MGAT5: variants seen among roughly 807,000 people sequenced by gnomAD.
MGAT5 encodes alpha-1,6-mannosylglycoprotein 6-beta-N-acetylglucosaminyltransferase A.
Under a neutral mutation model 94.3 loss-of-function variants are expected in MGAT5, and 30 were observed. The ratio of observed to expected loss-of-function variants is 0.32; its 90% CI spans 0.24 to 0.43. MGAT5 has a LOEUF of 0.43. MGAT5 is among the 20% of genes least tolerant of loss of function. The pLI, the probability that MGAT5 is intolerant of heterozygous loss-of-function variation, is 1.00. For synonymous variants in MGAT5, 310 were observed against 322.9 expected (o/e 0.96, Z 0.43); for missense variants, 691 against 905.5 (o/e 0.76, Z 3.04).
At chr2:134,338,506 T>A in intron 6 of MGAT5, 86 bp downstream of exon 6, 1 of 1,375,760 alleles carries the variant, frequency 7.3e-7, no homozygotes, top group Non-Finnish European at 9.9e-7. Context: ...AAGAGAAATG[T>A]CATATCTCAA....
At chr2:134,312,330 G>T (rs1686726570) in intron 2 of MGAT5, among the ~76,000 whole-genome samples, 1 of 152,098 alleles carries the variant, frequency 6.6e-6, no homozygotes, top group Non-Finnish European at 1.5e-5. Flanking sequence ...TAATTCACAT[G>T]GGGGCTAGGC....
At chr2:134,382,842 G>T (rs1681719710) in intron 10 of MGAT5, among the ~76,000 whole-genome samples, 1 of 152,220 alleles carries the variant, frequency 6.6e-6, no homozygotes, top group African/African-American at 2.4e-5. Flanking sequence ...TGAGCTGTGT[G>T]CACATCAAAT....
Position 134,333,551 on chromosome 2 carries a change from T to A in MGAT5, c.574-2666T>A, listed in dbSNP as rs997285255. On this transcript the variant is annotated intron_variant, in intron 4 of 15. Coordinates refer to ENST00000281923, the MANE Select transcript of MGAT5 (RefSeq NM_002410.5). ...TATACATATGTACCTAACCTGCACA[T>A]TGTGCACATGTACCCTAAAACTTAA... is the stretch of plus-strand genomic sequence containing the variant. Among the ~76,000 whole-genome samples the A allele has an allele frequency of 1.6e-4, 25 of 151,892 alleles. 1 individual carries two copies. The East Asian group carries it at 3.3e-3, about 20-fold the overall frequency.
intron 1 of MGAT5, among the ~76,000 whole-genome samples, chr2:134,257,638 G>A (rs958361515): frequency 3.9e-5 from 6 of 152,176 alleles, no homozygotes; most frequent in African/African-American, 1.4e-4. Context: ...ATAGTCCAGG[G>A]CCAGTCCTAG....
upstream of MGAT5, among the ~76,000 whole-genome samples, chr2:134,251,566 C>A (rs758735885): frequency 2.0e-4 from 30 of 152,162 alleles, no homozygotes; most frequent in Non-Finnish European, 3.2e-4. Flanking sequence ...AAACTTTGAA[C>A]AATCCAAGGT....
At chr2:134,139,633 A>G (rs1054357529) in intron 1 of MGAT5, among the ~76,000 whole-genome samples, 3 of 151,824 alleles carry the variant, frequency 2.0e-5, no homozygotes. Context: ...GGAATGAAAA[A>G]CCTCGCACAG....
At chr2:134,417,752 C>A (rs917899075) in intron 12 of MGAT5, among the ~76,000 whole-genome samples, 2 of 151,932 alleles carry the variant, frequency 1.3e-5, no homozygotes, top group Non-Finnish European at 1.5e-5. Flanking sequence ...GTTAGAATAT[C>A]CTGTTTATCC....
intron 1 of MGAT5, among the ~76,000 whole-genome samples, chr2:134,255,771 C>A (rs1682927092): frequency 6.6e-6 from 1 of 152,068 alleles, no homozygotes; most frequent in African/African-American, 2.4e-5. Flanking sequence ...TTTTGTGACC[C>A]ACTCAAGGAA....
intron 14 of MGAT5, among the ~76,000 whole-genome samples, chr2:134,431,901 G>C (rs1305429236): frequency 6.6e-6 from 1 of 152,190 alleles, no homozygotes; most frequent in Non-Finnish European, 1.5e-5. Context: ...CACCCAATGA[G>C]AAAGACTCCT....
intron 1 of MGAT5, among the ~76,000 whole-genome samples, chr2:134,179,028 C>A (rs1004701378): frequency 6.6e-6 from 1 of 152,196 alleles, no homozygotes; most frequent in Non-Finnish European, 1.5e-5. Flanking sequence ...CTTTCCTGGT[C>A]ATTCATGGAC....
chr2:134,364,014 A>G (rs1680263237), intron 10 of MGAT5, among the ~76,000 whole-genome samples: 1 of 152,184 alleles, frequency 6.6e-6, no homozygotes, highest in African/African-American at 2.4e-5. Flanking sequence ...GATAGCTTGC[A>G]TGTCCGTGTG....
intron 10 of MGAT5, among the ~76,000 whole-genome samples, chr2:134,371,298 T>C (rs754415905): frequency 6.6e-5 from 10 of 152,198 alleles, no homozygotes; most frequent in Non-Finnish European, 1.3e-4. Flanking sequence ...CAGAAGAAGC[T>C]TTTGAGTTGA....
intron 1 of MGAT5, among the ~76,000 whole-genome samples, chr2:134,217,035 C>T (rs1188465072): frequency 6.6e-6 from 1 of 152,122 alleles, no homozygotes; most frequent in Non-Finnish European, 1.5e-5. Context: ...TAAACTATCT[C>T]TGTGGATTGT....
intron 10 of MGAT5, among the ~76,000 whole-genome samples, chr2:134,389,292 A>T (rs769676839): frequency 6.6e-6 from 1 of 152,182 alleles, no homozygotes; most frequent in Non-Finnish European, 1.5e-5. Context: ...ATTGCATTCT[A>T]TGCTGACGAG....
intron 1 of MGAT5, among the ~76,000 whole-genome samples, chr2:134,239,560 C>T (rs1039800140): frequency 1.3e-4 from 20 of 152,088 alleles, no homozygotes; most frequent in Non-Finnish European, 2.9e-5. Flanking sequence ...CCTCTGACTC[C>T]CTCTTCCACT....
Position 134,257,836 on chromosome 2 carries a change from C to CCTTTTTTTTTTTTTTTTTTTTTTTT in MGAT5, c.241+3192_241+3193insCTTTTTTTTTTTTTTTTTTTTTTTT, listed in dbSNP as rs781189819. ...TGCATAGGCCATTAGTTTGCAGTCT[C>CCTTTTTTTTTTTTTTTTTTTTTTTT]TTTTTTTTTTTTTTTTTTTGCCATA... On this transcript the variant is annotated intron_variant, in intron 1 of 15. Transcript: ENST00000281923. 3.8e-5 allele frequency among the ~76,000 whole-genome samples: 4 copies of CCTTTTTTTTTTTTTTTTTTTTTTTT among 106,414 alleles called. 2 individuals are homozygous for CCTTTTTTTTTTTTTTTTTTTTTTTT. The highest frequency in any genetic ancestry group is 6.2e-4 in the South Asian group (2 of 3,216). The allele number at this position is 106,414 out of a possible 152,430, so 69.8% of individuals were successfully genotyped here.
chr2:134,342,709 G>GTC (rs777308358), intron 7 of MGAT5, among the ~76,000 whole-genome samples: 1 of 107,716 alleles, frequency 9.3e-6, no homozygotes, highest in Non-Finnish European at 1.9e-5. Context: ...GACAGAGCAA[G>GTC]TCTCTGTCTT....
At position 134,376,115 on chromosome 2, in the gene MGAT5, C is replaced by T. The variant is rs1433605044; in HGVS notation, c.1380+13707C>T. On this transcript the variant is annotated intron_variant, in intron 10 of 15. Transcript: ENST00000281923. ...AGGCCTCCAGATGGTGCCAGCACACCGACAATGAATAATGAGGAGCTTCCC... is the reference window on the plus strand; with the variant it reads ...AGGCCTCCAGATGGTGCCAGCACACTGACAATGAATAATGAGGAGCTTCCC... Among the ~76,000 whole-genome samples, 4 of 152,270 alleles carry T rather than the reference C, an allele frequency of 2.6e-5. No homozygotes were observed. The East Asian group carries it at 5.8e-4, about 22-fold the overall frequency.
intron 4 of MGAT5, among the ~76,000 whole-genome samples, chr2:134,334,363 A>T (rs970358026): frequency 5.3e-5 from 8 of 151,412 alleles, no homozygotes; most frequent in Non-Finnish European, 7.4e-5. Flanking sequence ...CTCTTAGTTG[A>T]TTTTCTTTAG....
Sources: gnomAD v4.1 joint callset for allele counts (sites outside exome capture counted in the v4.1 genomes callset) on GRCh38, gnomAD v4.1.1 for gene constraint, MANE v1.5 for transcripts, NCBI Gene and HGNC (gene_info 2026-07-23, HGNC 2026-07-21) for gene names.